The following BRWD1 variants were observed in gnomAD, a reference collection of about 807,000 sequenced individuals.
BRWD1 encodes bromodomain and WD repeat-containing protein 1.
BRWD1 carries 82 observed loss-of-function variants against 251.2 expected under a neutral mutation model. That is an observed-to-expected ratio of 0.33 (90% CI 0.27 to 0.39). The LOEUF (loss-of-function observed/expected upper bound fraction) is 0.39, where lower values mean the gene tolerates loss of function less well. Among genes scored for constraint, BRWD1 ranks in the 10% least tolerant of loss-of-function variants. The pLI, the probability that BRWD1 is intolerant of heterozygous loss-of-function variation, is 1.00. For synonymous variants in BRWD1, 918 were observed against 902.8 expected, an observed-to-expected ratio of 1.02 and a Z score of -0.30; for missense variants, 2,233 against 2,711.6, an observed-to-expected ratio of 0.82 and a Z score of 3.92.
chr21:39,190,337 G>C lies in BRWD1; in HGVS notation c.*5922C>G. Reference sequence around the variant, plus strand: ...TAAACTGCATATGGTTACTACAGAAGCATTATAAAATTTTCATTGGCATTT... The same window carrying C: ...TAAACTGCATATGGTTACTACAGAACCATTATAAAATTTTCATTGGCATTT... On this transcript the variant is annotated 3_prime_UTR_variant, in exon 41 of 41. Coordinates refer to ENST00000342449, the MANE Select transcript of BRWD1 (RefSeq NM_033656.4). 1 of 984,806 alleles carries C rather than the reference G, an allele frequency of 1.0e-6. No individual in the cohort carries two copies. Among genetic ancestry groups the C allele is most frequent in the Non-Finnish European group, 1.2e-6 (1 of 829,488 alleles). 61.0% of individuals were successfully genotyped at this position (984,806 alleles called of 1,614,324 possible).
chr21:39,229,367 G>A lies in BRWD1; in HGVS notation c.3070C>T (p.Leu1024=), dbSNP rs773574522. ...CCAGTTGCTGGATCTATAAATGCTA[G>A]TTTTAGGCAACAGAGTGTAGGGGGC... ...VGPPTLCCLK[L]AFIDPATGKL... The change falls in exon 26 of 41, where the codon CTA becomes TTA. Residue 1024 remains leucine, a synonymous_variant. Coordinates refer to ENST00000342449, the MANE Select transcript of BRWD1 (RefSeq NM_033656.4). 6.2e-7 allele frequency: 1 copy of A among 1,607,794 alleles called. No individual in the cohort carries two copies. The highest frequency in any genetic ancestry group is 1.3e-5 in the African/African-American group (1 of 74,754).
chr21:39,249,245 T>A (rs995693444), intron 20 of BRWD1, among the ~76,000 whole-genome samples: 3 of 152,154 alleles, frequency 2.0e-5, no homozygotes, highest in Admixed American at 2.0e-4. Flanking sequence ...AAACTACCTA[T>A]CAAGTACAAT....
chr21:39,260,884 G>C (rs548860549), intron 17 of BRWD1, among the ~76,000 whole-genome samples: 2 of 152,276 alleles, frequency 1.3e-5, no homozygotes, highest in South Asian at 4.2e-4. Flanking sequence ...TGCACACAAA[G>C]CTCCAAAGAT....
At chr21:39,312,578 G>T in intron 4 of BRWD1, 1 of 348,376 alleles carries the variant, frequency 2.9e-6, no homozygotes, top group Non-Finnish European at 5.4e-6. Context: ...CGCACCTGGA[G>T]CCCCACCCCT....
chr21:39,192,039 T>A lies in BRWD1; in HGVS notation c.*4220A>T. The A allele has an allele frequency of 1.0e-6, 1 of 984,986 alleles. No homozygotes were observed. The highest frequency in any genetic ancestry group is 1.2e-6 in the Non-Finnish European group (1 of 829,622). 61.0% of individuals were successfully genotyped at this position (984,986 alleles called of 1,614,324 possible). A position where few individuals can be genotyped will look rare whatever the true frequency, so the allele number is the denominator to read the frequency against. On this transcript the variant is annotated 3_prime_UTR_variant, in exon 41 of 41. Transcript: ENST00000342449. ...TGATGTGACTCTCCCCCTCCCTCCA[T>A]CAAATCTAGAAAAGCAATTCTTGAG... is the stretch of plus-strand genomic sequence containing the variant.
chr21:39,208,523 A>C (rs976531634), intron 36 of BRWD1, among the ~76,000 whole-genome samples: 1 of 152,244 alleles, frequency 6.6e-6, no homozygotes. Flanking sequence ...AGATCAAACA[A>C]GTATTTTACT....
chr21:39,249,033 T>C (rs1412470472), intron 20 of BRWD1, among the ~76,000 whole-genome samples: 1 of 147,022 alleles, frequency 6.8e-6, no homozygotes, highest in African/African-American at 2.5e-5. Flanking sequence ...TACCCAGCCA[T>C]AAAAAAAAAA....
chr21:39,209,745 T>C (rs1012711894), intron 36 of BRWD1: 2 of 314,902 alleles, frequency 6.4e-6, no homozygotes, highest in Non-Finnish European at 1.2e-5. Flanking sequence ...CCTACTCCCA[T>C]TAATCCCCAC....
chr21:39,232,731 A>G (rs549847076), intron 23 of BRWD1, among the ~76,000 whole-genome samples: 14 of 152,262 alleles, frequency 9.2e-5, no homozygotes, highest in Non-Finnish European at 1.6e-4. Flanking sequence ...TAAATTTCTG[A>G]TAGATTCTTC....
At chr21:39,317,876 C>G (rs1321471811), upstream of BRWD1, among the ~76,000 whole-genome samples, 3 of 152,008 alleles carry the variant, frequency 2.0e-5, no homozygotes, top group South Asian at 4.2e-4. Flanking sequence ...TAGTGAGACC[C>G]TCTCTCTACA....
chr21:39,295,947 A>C, intron 6 of BRWD1, 44 bp from the exon 7 acceptor site: 4 of 1,461,506 alleles, frequency 2.7e-6, no homozygotes, highest in Non-Finnish European at 3.6e-6. Flanking sequence ...AGAGCCAATA[A>C]GGAAAAATCT....
rs751444234 is a variant in BRWD1, at chr21:39,202,521, T to C, written c.4389A>G (p.Lys1463=). Residue 1463 remains lysine (K), a synonymous_variant, in exon 38 of 41, where the codon AAA becomes AAG. Transcript: ENST00000342449. The part of the protein sequence containing the change: ...SIRNLKPKRL[K]SQTKIIPELV... Reference sequence around the variant, plus strand: ...ACTCAGGAATTATTTTTGTCTGAGATTTTAACCTCTTCGGCTTGAGGTTTC... The same window carrying C: ...ACTCAGGAATTATTTTTGTCTGAGACTTTAACCTCTTCGGCTTGAGGTTTC... The C allele has an allele frequency of 1.9e-6, 3 of 1,611,558 alleles. No homozygotes were observed. Among genetic ancestry groups the C allele is most frequent in the Non-Finnish European group, 2.5e-6 (3 of 1,177,812 alleles).
At chr21:39,262,364 C>T (rs1011677510) in intron 17 of BRWD1, among the ~76,000 whole-genome samples, 3 of 152,114 alleles carry the variant, frequency 2.0e-5, no homozygotes, top group African/African-American at 7.2e-5. Context: ...CTGATACATG[C>T]AACAACACTA....
intron 31 of BRWD1, among the ~76,000 whole-genome samples, chr21:39,217,788 T>G (rs1470611166): frequency 6.6e-6 from 1 of 152,244 alleles, no homozygotes; most frequent in Non-Finnish European, 1.5e-5. Context: ...AACAACTGTT[T>G]CTTCAATTAT....
At chr21:39,257,898 A>G (rs2034612196) in intron 18 of BRWD1, among the ~76,000 whole-genome samples, 3 of 152,186 alleles carry the variant, frequency 2.0e-5, no homozygotes, top group African/African-American at 7.2e-5. Flanking sequence ...TCCTTCTTCC[A>G]ACCTTTCTTT....
Position 39,191,291 on chromosome 21 carries a change from C to T in BRWD1, c.*4968G>A. On this transcript the variant is annotated 3_prime_UTR_variant, in exon 41 of 41. Coordinates refer to ENST00000342449, the MANE Select transcript of BRWD1 (RefSeq NM_033656.4). ...TGTAAAACTCACAGCGCTCGCACCC[C>T]TATATTCTGCCTGCATGAAAAGAAA... The T allele has an allele frequency of 1.0e-6, 1 of 985,296 alleles. No homozygotes were observed. The allele number at this position is 985,296 out of a possible 1,614,324, so 61.0% of individuals were successfully genotyped here.
At position 39,270,444 on chromosome 21, in the gene BRWD1, A is replaced by C; in HGVS notation, c.1245-11T>G. The C allele has an allele frequency of 6.3e-7, 1 of 1,593,442 alleles. No homozygotes were observed. Among genetic ancestry groups the C allele is most frequent in the Non-Finnish European group, 8.6e-7 (1 of 1,169,150 alleles). On this transcript the variant is annotated splice_polypyrimidine_tract_variant and intron_variant, in intron 13 of 40. Transcript: ENST00000342449. ...TCGGAAGATAAGTCCCTAACAAAAA[A>C]ATACACAACATGTAAACTTATTTAG...
At chr21:39,236,879 A>G in intron 22 of BRWD1, 95 bp from the exon 23 acceptor site, 1 of 1,132,980 alleles carries the variant, frequency 8.8e-7, no homozygotes, top group Non-Finnish European at 1.3e-6. Flanking sequence ...AGAGAGGAGA[A>G]AAAGGGAAGG....
chr21:39,203,438 C>CTTTTTTTTTTTTTT lies in BRWD1; in HGVS notation c.4365-907_4365-894dup, dbSNP rs71330353. ...TGGGCAACAGAGCAAGACCCTGGTT[C>CTTTTTTTTTTTTTT]TTTTTTTTTTTTTTTTTTTTTTTTG... On this transcript the variant is annotated intron_variant, in intron 37 of 40. Transcript: ENST00000342449. 4.2e-3 allele frequency among the ~76,000 whole-genome samples: 284 copies of CTTTTTTTTTTTTTT among 67,708 alleles called. 25 individuals carry two copies. The highest frequency in any genetic ancestry group is 5.8e-3 in the Non-Finnish European group (201 of 34,556). The allele number at this position is 67,708 out of a possible 152,430, so 44.4% of individuals were successfully genotyped here.
Sources: gnomAD v4.1 joint callset for allele counts (sites outside exome capture counted in the v4.1 genomes callset) on GRCh38, gnomAD v4.1.1 for gene constraint, MANE v1.5 for transcripts, NCBI Gene and HGNC (gene_info 2026-07-23, HGNC 2026-07-21) for gene names.